The following DIP2C variants were observed in gnomAD, a reference collection of about 807,000 sequenced individuals.
DIP2C encodes disco-interacting protein 2 homolog C.
A neutral mutation model predicts 192.4 loss-of-function variants in DIP2C; 33 were observed. The ratio of observed to expected loss-of-function variants is 0.17; its 90% CI spans 0.13 to 0.23. DIP2C has a LOEUF of 0.23. DIP2C is among the 10% of genes least tolerant of loss of function. DIP2C has a pLI of 1.00. For synonymous variants in DIP2C, 979 were observed against 864.1 expected (o/e 1.13, Z -2.33); for missense variants, 1,537 against 2,110.1 (o/e 0.73, Z 5.32).
intron 2 of DIP2C, among the ~76,000 whole-genome samples, chr10:479,609 T>C (rs573385490): frequency 8.5e-5 from 13 of 152,150 alleles, no homozygotes; most frequent in Non-Finnish European, 1.8e-4. Flanking sequence ...GCTGGAATTA[T>C]AGGCATGAGC....
chr10:287,380 A>AT (rs1955200446), intron 33 of DIP2C, among the ~76,000 whole-genome samples: 1 of 152,216 alleles, frequency 6.6e-6, no homozygotes, highest in African/African-American at 2.4e-5. Flanking sequence ...AACATTTATG[A>AT]TTGAGATAAA....
chr10:316,700 G>T (rs1956788605), intron 31 of DIP2C, among the ~76,000 whole-genome samples: 1 of 152,184 alleles, frequency 6.6e-6, no homozygotes, highest in African/African-American at 2.4e-5. Context: ...CCAGCCCTCA[G>T]GAGCCCCTGC....
rs377171040 is a variant in DIP2C, at chr10:288,326, C to T, written c.4044+38G>A. ...CAAAGCCCATACAGTCAGAAGCGAACGGATACAGAAATGCGTGCCTCTTCC... is the reference window on the plus strand; with the variant it reads ...CAAAGCCCATACAGTCAGAAGCGAATGGATACAGAAATGCGTGCCTCTTCC... On this transcript the variant is annotated intron_variant, in intron 33 of 36. Coordinates refer to ENST00000280886, the MANE Select transcript of DIP2C (RefSeq NM_014974.3). The T allele has an allele frequency of 1.4e-4, 217 of 1,593,122 alleles. 1 individual carries two copies. The Middle Eastern group carries it at 2.7e-3, about 20-fold the overall frequency.
At chr10:561,307 C>CA (rs780209062) in intron 1 of DIP2C, among the ~76,000 whole-genome samples, 4 of 152,104 alleles carry the variant, frequency 2.6e-5, no homozygotes, top group Non-Finnish European at 5.9e-5. Context: ...AAAGGGGACT[C>CA]ACAATGGATT....
At chr10:454,761 G>A (rs117008156) in intron 3 of DIP2C, among the ~76,000 whole-genome samples, 46 of 151,742 alleles carry the variant, frequency 3.0e-4, no homozygotes, top group East Asian at 2.1e-3. Flanking sequence ...CTCTATGCTC[G>A]ATGTCATTAT....
intron 1 of DIP2C, among the ~76,000 whole-genome samples, chr10:517,023 CTG>C (rs1846407215): frequency 6.6e-6 from 1 of 151,722 alleles, no homozygotes; most frequent in Admixed American, 6.6e-5. Context: ...GGCTTCCTCA[CTG>C]TGGGGGTTTT....
At chr10:319,878 T>C (rs563119279) in intron 31 of DIP2C, among the ~76,000 whole-genome samples, 2 of 152,322 alleles carry the variant, frequency 1.3e-5, no homozygotes, top group East Asian at 3.9e-4. Context: ...TCTCTCATCT[T>C]AAAACAACTA....
At chr10:353,789 C>T (rs995678929) in intron 24 of DIP2C, among the ~76,000 whole-genome samples, 1 of 152,148 alleles carries the variant, frequency 6.6e-6, no homozygotes, top group Non-Finnish European at 1.5e-5. Flanking sequence ...GGCTGGTGTA[C>T]GTGCTGAACG....
At chr10:292,164 C>T (rs534870422) in intron 32 of DIP2C, among the ~76,000 whole-genome samples, 47 of 152,370 alleles carry the variant, frequency 3.1e-4, no homozygotes, top group Non-Finnish European at 4.9e-4. Context: ...AGCTCCAGAT[C>T]CGGAACTTTG....
chr10:522,021 T>TC (rs1205647945), intron 1 of DIP2C, among the ~76,000 whole-genome samples: 1 of 151,648 alleles, frequency 6.6e-6, no homozygotes, highest in African/African-American at 2.4e-5. Context: ...ACAGCATGGA[T>TC]CCCCCATGAC....
At chr10:528,797 G>A (rs973502305) in intron 1 of DIP2C, among the ~76,000 whole-genome samples, 2 of 152,192 alleles carry the variant, frequency 1.3e-5, no homozygotes, top group African/African-American at 2.4e-5. Flanking sequence ...GAGGCCGGGG[G>A]CAGAAGCCAA....
chr10:350,141 T>G (rs928983536), intron 24 of DIP2C, among the ~76,000 whole-genome samples: 5 of 152,122 alleles, frequency 3.3e-5, no homozygotes, highest in African/African-American at 1.2e-4. Flanking sequence ...TGGAGTGCAG[T>G]GGCATGATCA....
chr10:662,935 G>C (rs759272021), intron 1 of DIP2C: 9 of 717,458 alleles, frequency 1.3e-5, no homozygotes, highest in Admixed American at 4.0e-5. Context: ...GTACGCTAAT[G>C]GTTCTCAGCT....
rs72774520 is a variant in DIP2C at position 476,816 on chromosome 10, G to A, written c.158-4267C>T. Among the ~76,000 whole-genome samples the A allele has an allele frequency of 3.3e-3, 505 of 152,108 alleles. 2 individuals are homozygous for A. The highest frequency in any genetic ancestry group is 8.5e-3 in the East Asian group (44 of 5,156). On this transcript the variant is annotated intron_variant, in intron 2 of 36. Coordinates refer to ENST00000280886, the MANE Select transcript of DIP2C (RefSeq NM_014974.3). ...CCCATTATGAAAATTAAGAAAACAC[G>A]GAAACTGCTAAAATTTCAGATCCAA...
At chr10:345,618 A>T (rs1297551594) in intron 26 of DIP2C, among the ~76,000 whole-genome samples, 1 of 122,046 alleles carries the variant, frequency 8.2e-6, no homozygotes, top group Admixed American at 8.1e-5. Context: ...CACTCACCCA[A>T]CCCAGACACA....
At chr10:644,835 C>G (rs1452341178) in intron 1 of DIP2C, among the ~76,000 whole-genome samples, 1 of 152,290 alleles carries the variant, frequency 6.6e-6, no homozygotes, top group African/African-American at 2.4e-5. Context: ...AACACGGCCC[C>G]TGGGCCTCAG....
In DIP2C at chr10:661,509, C is replaced by T. The variant is rs1034731082; in HGVS notation, c.85+27985G>A. ...GGAATCAGGGCCACCAGGCTCCCCT[C>T]GCTGCCTCCAGCTGGAGTCCCACCC... On this transcript the variant is annotated intron_variant, in intron 1 of 36. Coordinates refer to ENST00000280886, the MANE Select transcript of DIP2C (RefSeq NM_014974.3). 3.9e-5 allele frequency among the ~76,000 whole-genome samples: 6 copies of T among 152,328 alleles called. No homozygotes were observed. In the South Asian group the frequency reaches 6.2e-4, roughly 16 times the overall value.
intron 1 of DIP2C, among the ~76,000 whole-genome samples, chr10:684,362 G>T (rs920812731): frequency 6.6e-6 from 1 of 152,214 alleles, no homozygotes; most frequent in Admixed American, 6.5e-5. Context: ...TCAGATAGAT[G>T]TAACAACGCT....
chr10:319,465 C>A (rs898834073), intron 31 of DIP2C, among the ~76,000 whole-genome samples: 15 of 152,102 alleles, frequency 9.9e-5, no homozygotes, highest in Admixed American at 7.2e-4. Context: ...CAGAAGACCT[C>A]ATGTTTTTCT....
Sources: gnomAD v4.1 joint callset for allele counts (sites outside exome capture counted in the v4.1 genomes callset) on GRCh38, gnomAD v4.1.1 for gene constraint, MANE v1.5 for transcripts, NCBI Gene and HGNC (gene_info 2026-07-23, HGNC 2026-07-21) for gene names.